STX7: variants seen among roughly 807,000 people sequenced by gnomAD.
The protein encoded by STX7 is syntaxin-7.
A neutral mutation model predicts 39.6 loss-of-function variants in STX7; 34 were observed. That is an observed-to-expected ratio of 0.86 (90% confidence interval 0.65 to 1.14). STX7 has a LOEUF of 1.14. Ranked by LOEUF, STX7 falls within the 50% of genes most tolerant of loss-of-function variation. The pLI is 0.00. For missense variants in STX7, 284 were observed against 310.4 expected (o/e 0.92, Z 0.64); for synonymous variants, 119 against 99.1 (o/e 1.20, Z -1.19).
At chr6:132,482,752 C>A (rs1213279379) in intron 2 of STX7, among the ~76,000 whole-genome samples, 2 of 152,100 alleles carry the variant, frequency 1.3e-5, no homozygotes, top group Non-Finnish European at 2.9e-5. Context: ...GGCAGTGGAT[C>A]ACAAGGATCC....
intron 4 of STX7, among the ~76,000 whole-genome samples, chr6:132,471,946 G>A (rs1040664969): frequency 6.6e-6 from 1 of 152,128 alleles, no homozygotes; most frequent in African/African-American, 2.4e-5. Flanking sequence ...ATAAATATGT[G>A]CCCCCAGGAC....
rs1209460936 is a variant in STX7 at position 132,447,212 on chromosome 6, A to G, written c.*13546T>C. On this transcript the variant is annotated 3_prime_UTR_variant, in exon 10 of 10. Transcript: ENST00000367941. The stretch of plus-strand genomic sequence containing the variant: ...CTTACTGTGTAGTGGAAAGAGTTAG[A>G]CTCACTAGACATTGATTAGCTGACT... The G allele has an allele frequency of 6.6e-6, 1 of 152,146 alleles. No homozygotes were observed. Among genetic ancestry groups the G allele is most frequent in the Non-Finnish European group, 1.5e-5 (1 of 68,024 alleles). The allele number at this position is 152,146 out of a possible 1,614,324, so 9.4% of individuals were successfully genotyped here.
intron 3 of STX7, among the ~76,000 whole-genome samples, chr6:132,473,818 T>A (rs185959650): frequency 6.6e-6 from 1 of 152,264 alleles, no homozygotes; most frequent in East Asian, 1.9e-4. Context: ...AGAATAGGGA[T>A]CTGTATTTGA....
intron 3 of STX7, among the ~76,000 whole-genome samples, chr6:132,473,517 G>GTTTTTTTTTTTTTTTTTTTTT (rs752590497): frequency 2.4e-5 from 3 of 125,782 alleles, no homozygotes; most frequent in Non-Finnish European, 3.4e-5. Context: ...TTATTATTGT[G>GTTTTTTTTTTTTTTTTTTTTT]TTGTTTTTTT....
rs964188227 is a variant in STX7, at chr6:132,460,617, C to T, written c.*141G>A. On this transcript the variant is annotated 3_prime_UTR_variant, in exon 10 of 10. Coordinates refer to ENST00000367941, the MANE Select transcript of STX7 (RefSeq NM_003569.3). ...CAGATTTAATCCAAAGGAACCACCCCAACCCCCCCAATAAAAATAACAAAG... is the reference window on the plus strand; with the variant it reads ...CAGATTTAATCCAAAGGAACCACCCTAACCCCCCCAATAAAAATAACAAAG... 11 of 585,334 alleles carry T rather than the reference C, an allele frequency of 1.9e-5. No individual in the cohort carries two copies. Among genetic ancestry groups the T allele is most frequent in the African/African-American group, 1.7e-4 (9 of 51,958 alleles). The allele number at this position is 585,334 out of a possible 1,614,324, so 36.3% of individuals were successfully genotyped here.
intron 2 of STX7, among the ~76,000 whole-genome samples, chr6:132,484,522 GAT>G (rs1229077609): frequency 6.6e-6 from 1 of 152,170 alleles, no homozygotes; most frequent in Non-Finnish European, 1.5e-5. Context: ...CGGCATGGCA[GAT>G]CAACCTAACA....
intron 5 of STX7, among the ~76,000 whole-genome samples, chr6:132,471,074 T>G (rs1774706383): frequency 6.6e-6 from 1 of 152,232 alleles, no homozygotes; most frequent in South Asian, 2.1e-4. Flanking sequence ...TACAACATAC[T>G]TGCGCCATTC....
chr6:132,480,281 A>T (rs1195547379), intron 2 of STX7, among the ~76,000 whole-genome samples: 1 of 152,034 alleles, frequency 6.6e-6, no homozygotes, highest in Non-Finnish European at 1.5e-5. Context: ...GCCTACTGAG[A>T]CTCAATCCTG....
rs974606801 is a variant in STX7, at chr6:132,457,533, T to C, written c.*3225A>G. 6.6e-6 allele frequency: 1 copy of C among 152,228 alleles called. No homozygotes were observed. Among genetic ancestry groups the C allele is most frequent in the African/African-American group, 2.4e-5 (1 of 41,456 alleles). 9.4% of individuals were successfully genotyped at this position (152,228 alleles called of 1,614,324 possible). A position where few individuals can be genotyped will look rare whatever the true frequency, so the allele number is the denominator to read the frequency against. Reference sequence around the variant, plus strand: ...TCAAAGAAGCAGTACACTGTAACACTTTCAGGCTCCCATTGGTTTAAAATT... The same window carrying C: ...TCAAAGAAGCAGTACACTGTAACACCTTCAGGCTCCCATTGGTTTAAAATT... On this transcript the variant is annotated 3_prime_UTR_variant, in exon 10 of 10. Coordinates refer to ENST00000367941, the MANE Select transcript of STX7 (RefSeq NM_003569.3).
intron 1 of STX7, among the ~76,000 whole-genome samples, chr6:132,510,600 C>T (rs1302223969): frequency 6.6e-6 from 1 of 152,182 alleles, no homozygotes; most frequent in East Asian, 1.9e-4. Flanking sequence ...TCCTCAGTCA[C>T]ACTAGACACC....
intron 7 of STX7, among the ~76,000 whole-genome samples, chr6:132,469,359 G>C (rs1774648864): frequency 6.6e-6 from 1 of 152,078 alleles, no homozygotes; most frequent in Non-Finnish European, 1.5e-5. Context: ...CTCTACACTG[G>C]TATTTTCTCA....
intron 9 of STX7, chr6:132,461,824 C>G (rs138122979): frequency 6.5e-7 from 1 of 1,537,810 alleles, no homozygotes; most frequent in South Asian, 1.2e-5. Context: ...TCTTTAATGG[C>G]GTTTGTACCT....
At chr6:132,481,159 T>C (rs1401488214) in intron 2 of STX7, among the ~76,000 whole-genome samples, 1 of 152,184 alleles carries the variant, frequency 6.6e-6, no homozygotes. Context: ...GGAGCTTTTG[T>C]TTTTAAGCTT....
At chr6:132,465,387 G>A (rs976494984) in intron 8 of STX7, among the ~76,000 whole-genome samples, 2 of 152,030 alleles carry the variant, frequency 1.3e-5, no homozygotes, top group African/African-American at 4.8e-5. Flanking sequence ...CATATGGCAT[G>A]TCCTCACTTC....
intron 3 of STX7, among the ~76,000 whole-genome samples, chr6:132,473,090 T>G (rs1424654405): frequency 6.6e-6 from 1 of 151,948 alleles, no homozygotes; most frequent in Non-Finnish European, 1.5e-5. Flanking sequence ...ACATGGGAGG[T>G]GGAGGATGCA....
intron 1 of STX7, among the ~76,000 whole-genome samples, chr6:132,509,975 G>C (rs6909378): frequency 1.1e-4 from 16 of 152,016 alleles, no homozygotes; most frequent in Non-Finnish European, 1.9e-4. Flanking sequence ...CTATTTAATT[G>C]CTCAGAATAA....
At chr6:132,467,823 C>T (rs535540367) in intron 8 of STX7, among the ~76,000 whole-genome samples, 1 of 152,300 alleles carries the variant, frequency 6.6e-6, no homozygotes, top group East Asian at 1.9e-4. Context: ...TGAATGTTAA[C>T]AACTACACCC....
chr6:132,509,934 T>A (rs965764192), intron 1 of STX7, among the ~76,000 whole-genome samples: 1 of 152,216 alleles, frequency 6.6e-6, no homozygotes, highest in Non-Finnish European at 1.5e-5. Context: ...AGTACTCTTG[T>A]TGAATACTTT....
rs1252148656 is a variant in STX7 at position 132,453,801 on chromosome 6, A to C, written c.*6957T>G. ...CCACCAAATGCTGAAAAGGACATGAAGCAACTAGATCACTCATACACCACT... is the reference window on the plus strand; with the variant it reads ...CCACCAAATGCTGAAAAGGACATGACGCAACTAGATCACTCATACACCACT... On this transcript the variant is annotated 3_prime_UTR_variant, in exon 10 of 10. Coordinates refer to ENST00000367941, the MANE Select transcript of STX7 (RefSeq NM_003569.3). The C allele has an allele frequency of 1.3e-5, 2 of 152,092 alleles. No homozygotes were observed. The highest frequency in any genetic ancestry group is 2.4e-5 in the African/African-American group (1 of 41,424). The allele number at this position is 152,092 out of a possible 1,614,324, so 9.4% of individuals were successfully genotyped here.
Sources: gnomAD v4.1 joint callset for allele counts (sites outside exome capture counted in the v4.1 genomes callset) on GRCh38, gnomAD v4.1.1 for gene constraint, MANE v1.5 for transcripts, NCBI Gene and HGNC (gene_info 2026-07-23, HGNC 2026-07-21) for gene names.